The following NCAPG variants were observed in gnomAD, a reference collection of about 807,000 sequenced individuals.
NCAPG encodes the protein condensin complex subunit 3.
Under a neutral mutation model 113.1 loss-of-function variants are expected in NCAPG, and 69 were observed. The ratio of observed to expected loss-of-function variants is 0.61; its 90% CI spans 0.50 to 0.75. The LOEUF is 0.75. Ranked by LOEUF, NCAPG falls within the 30% of genes least tolerant of loss-of-function variation. The probability of loss-of-function intolerance (pLI) is 0.00; values close to 1 mark genes in which losing one functional copy is unlikely to be tolerated. For missense variants in NCAPG, 1,058 were observed against 1,177.0 expected (o/e 0.90, Z 1.48); for synonymous variants, 370 against 415.8 (o/e 0.89, Z 1.34).
Position 17,839,756 on chromosome 4 carries a change from C to A in NCAPG, c.2547C>A (p.Val849=). The A allele has an allele frequency of 6.3e-7, 1 of 1,585,252 alleles. No homozygotes were observed. The highest frequency in any genetic ancestry group is 1.2e-5 in the South Asian group (1 of 85,144). Residue 849 remains valine (V), a synonymous_variant, in exon 17 of 21, where the codon GTC becomes GTA. Transcript: ENST00000251496. The part of the protein sequence containing the change: ...LTSPCSPEIR[V]YTKALSSLEL... ...GTCCGTGCTCGCCAGAAATTCGAGTCTATACAAAAGCCTTGAGTTCTTTAG... is the reference window on the plus strand; with the variant it reads ...GTCCGTGCTCGCCAGAAATTCGAGTATATACAAAAGCCTTGAGTTCTTTAG...
Position 17,812,408 on chromosome 4 carries a change from T to G in NCAPG, c.299T>G (p.Phe100Cys). The change falls in exon 2 of 21, where the codon TTT becomes TGT. Residue 100 changes from phenylalanine (F) to cysteine (C), a missense_variant. Coordinates refer to ENST00000251496, the MANE Select transcript of NCAPG (RefSeq NM_022346.5). Reference protein sequence around the residue: ...EEDGGLLNYLFTFLLKSHEAN... With the variant: ...EEDGGLLNYLCTFLLKSHEAN... The stretch of plus-strand genomic sequence containing the variant: ...GATGGTGGCCTTTTAAATTATTTGT[T>G]TACTTTTCTCTTAAAGGTACTATGA... 2 of 1,613,446 alleles carry G rather than the reference T, an allele frequency of 1.2e-6. No homozygotes were observed. Among genetic ancestry groups the G allele is most frequent in the Non-Finnish European group, 1.7e-6 (2 of 1,179,544 alleles).
chr4:17,814,517 A>G (rs1721117564), intron 3 of NCAPG, among the ~76,000 whole-genome samples: 2 of 152,256 alleles, frequency 1.3e-5, no homozygotes, highest in African/African-American at 4.8e-5. Flanking sequence ...TGGATTGCAG[A>G]GGTGTGGCCT....
chr4:17,843,533 A>G lies in NCAPG; in HGVS notation c.*108A>G. ...GAACAAACCTGATGTCTTTCTGAAGATTTTCTGCTGTGCGCTTCCACGTTA... is the reference window on the plus strand; with the variant it reads ...GAACAAACCTGATGTCTTTCTGAAGGTTTTCTGCTGTGCGCTTCCACGTTA... On this transcript the variant is annotated 3_prime_UTR_variant, in exon 21 of 21. Transcript: ENST00000251496. 1 of 1,294,974 alleles carries G rather than the reference A, an allele frequency of 7.7e-7. No homozygotes were observed. Among genetic ancestry groups the G allele is most frequent in the Non-Finnish European group, 1.1e-6 (1 of 929,702 alleles). 80.2% of individuals were successfully genotyped at this position (1,294,974 alleles called of 1,614,324 possible). A position where few individuals can be genotyped will look rare whatever the true frequency, so the allele number is the denominator to read the frequency against.
intron 5 of NCAPG, among the ~76,000 whole-genome samples, chr4:17,815,697 A>G (rs1029591654): frequency 6.6e-6 from 1 of 151,910 alleles, no homozygotes; most frequent in South Asian, 2.1e-4. Context: ...GTTAATTTTT[A>G]TATTTTTATA....
At chr4:17,832,886 C>T (rs976338482) in intron 13 of NCAPG, among the ~76,000 whole-genome samples, 11 of 152,170 alleles carry the variant, frequency 7.2e-5, no homozygotes, top group South Asian at 2.1e-4. Flanking sequence ...CCAGCTGTCC[C>T]GTGTTGCTTC....
rs372306827 is a variant in NCAPG at position 17,812,236 on chromosome 4, G to C, written c.127G>C (p.Val43Leu). The C allele has an allele frequency of 7.4e-6, 12 of 1,612,420 alleles. No individual in the cohort carries two copies. The African/African-American group carries it at 1.6e-4, about 22-fold the overall frequency. The change falls in exon 2 of 21, where the codon GTT becomes CTT. Residue 43 changes from valine to leucine, a missense_variant. Val to Leu is a conservative substitution (Grantham distance 32, BLOSUM62 1). Transcript: ENST00000251496. ...TGTCTTTCAGATGGATGATAAGACA[G>C]TTTTTCATGAGGAGTTCATTCATTA... ...RTYRTMDDKT[V>L]FHEEFIHYLK...
intron 7 of NCAPG, among the ~76,000 whole-genome samples, chr4:17,822,411 C>T (rs1405442900): frequency 6.6e-6 from 1 of 151,912 alleles, no homozygotes; most frequent in Non-Finnish European, 1.5e-5. Context: ...AGGCTGGTCT[C>T]GAACTCCTGA....
intron 12 of NCAPG, among the ~76,000 whole-genome samples, chr4:17,830,197 G>A (rs773241582): frequency 5.3e-5 from 8 of 152,042 alleles, no homozygotes; most frequent in Non-Finnish European, 1.2e-4. Context: ...TTTGAGACCA[G>A]CCTGGGCAAC....
intron 13 of NCAPG, among the ~76,000 whole-genome samples, chr4:17,831,634 G>A (rs535957193): frequency 2.0e-5 from 3 of 152,270 alleles, no homozygotes; most frequent in East Asian, 1.9e-4. Flanking sequence ...AGCGAACCAC[G>A]TGGTTATTTG....
Position 17,814,982 on chromosome 4 carries a change from G to A in NCAPG, c.674G>A (p.Arg225Lys). ...GRTKDVKEAV[R>K]KLAYQVLAEK... The stretch of plus-strand genomic sequence containing the variant: ...ACCAAGGATGTGAAAGAGGCTGTCA[G>A]AAAGCTGGCTTATCAGGTAAATAAG... Residue 225 changes from arginine to lysine, a missense_variant, in exon 4 of 21, where the codon AGA (arginine) becomes AAA (lysine). Arg to Lys is a conservative substitution (Grantham distance 26, BLOSUM62 2). Coordinates refer to ENST00000251496, the MANE Select transcript of NCAPG (RefSeq NM_022346.5). The A allele has an allele frequency of 2.5e-6, 4 of 1,614,182 alleles. No homozygotes were observed. The highest frequency in any genetic ancestry group is 3.4e-6 in the Non-Finnish European group (4 of 1,180,020).
At chr4:17,834,242 C>A in intron 13 of NCAPG, 57 bp from the exon 14 acceptor site, 1 of 1,147,370 alleles carries the variant, frequency 8.7e-7, no homozygotes, top group Non-Finnish European at 1.2e-6. Flanking sequence ...TTTATGTAAA[C>A]AGAAACAAAA....
chr4:17,826,988 TCA>T (rs1404896758), intron 11 of NCAPG, among the ~76,000 whole-genome samples: 1 of 152,216 alleles, frequency 6.6e-6, no homozygotes. Context: ...TTGCCCAAAA[TCA>T]CACAGATAGT....
intron 19 of NCAPG, 125 bp from the exon 20 acceptor site, chr4:17,842,182 AAGT>A: frequency 1.4e-6 from 1 of 700,312 alleles, no homozygotes; most frequent in South Asian, 1.9e-5. Flanking sequence ...TGGCTAGAAC[AAGT>A]AGGAGATACA....
chr4:17,837,751 ACAAGAC>A lies in NCAPG; in HGVS notation c.2421_2426del (p.Arg807_Pro808del). On this transcript the variant is annotated inframe_deletion, in exon 16 of 21. Transcript: ENST00000251496. ...TGTTGCTGAGTTACTTGTAGATTTG[ACAAGAC>A]CAAGTGGATTAAATCCTCAGGCCAA... 6.2e-7 allele frequency: 1 copy of A among 1,613,996 alleles called. No individual in the cohort carries two copies.
chr4:17,841,163 TA>T, intron 19 of NCAPG: 1 of 152,090 alleles, frequency 6.6e-6, no homozygotes, highest in Non-Finnish European at 1.5e-5. Flanking sequence ...TGCTGACTAT[TA>T]GGGGGTCACT....
chr4:17,824,517 TGAAAG>T (rs1481096359), intron 9 of NCAPG, among the ~76,000 whole-genome samples: 1 of 152,146 alleles, frequency 6.6e-6, no homozygotes, highest in East Asian at 1.9e-4. Context: ...CAAGTGGTTC[TGAAAG>T]GAAAGTCCTT....
chr4:17,844,366 C>CTGTT lies in NCAPG; in HGVS notation c.*947_*950dup, dbSNP rs1236900333. On this transcript the variant is annotated 3_prime_UTR_variant, in exon 21 of 21. Transcript: ENST00000251496. Reference sequence around the variant, plus strand: ...TATTCAGAAATGTCCTAACATGGATCTGTTTGTTTTAATAATTGTGCTTTT... The same window carrying CTGTT: ...TATTCAGAAATGTCCTAACATGGATCTGTTTGTTTGTTTTAATAATTGTGCTTTT... The CTGTT allele has an allele frequency of 1.3e-5, 2 of 152,456 alleles. No individual in the cohort carries two copies. Among genetic ancestry groups the CTGTT allele is most frequent in the Admixed American group, 6.6e-5 (1 of 15,258 alleles). The allele number at this position is 152,456 out of a possible 1,614,324, so 9.4% of individuals were successfully genotyped here.
chr4:17,834,941 A>G (rs1483873768), intron 14 of NCAPG, among the ~76,000 whole-genome samples: 1 of 152,248 alleles, frequency 6.6e-6, no homozygotes, highest in Non-Finnish European at 1.5e-5. Context: ...ATAAACAAAA[A>G]TGAAGTGATT....
intron 19 of NCAPG, 55 bp downstream of exon 19, chr4:17,840,748 T>A (rs1722330066): frequency 1.7e-6 from 2 of 1,155,932 alleles, no homozygotes; most frequent in African/African-American, 1.6e-5. Flanking sequence ...TATCTTCCAA[T>A]GAAAAATACT....
Sources: gnomAD v4.1 joint callset for allele counts (sites outside exome capture counted in the v4.1 genomes callset) on GRCh38, gnomAD v4.1.1 for gene constraint, MANE v1.5 for transcripts, NCBI Gene and HGNC (gene_info 2026-07-23, HGNC 2026-07-21) for gene names.